Variants in NBPF15 observed in about 807,000 individuals in gnomAD.
NBPF15 encodes the protein NBPF member 15, also known as NBPF family member NBPF15.
NBPF15 carries 74 observed loss-of-function variants against 62.2 expected under a neutral mutation model. That is an observed-to-expected ratio of 1.19 (90% CI 0.99 to 1.44). The LOEUF is 1.44. Among genes scored for constraint, NBPF15 ranks in the 40% most tolerant of loss-of-function variants. The pLI is 0.00. For missense variants in NBPF15, 790 were observed against 550.0 expected (o/e 1.44, Z -4.36); for synonymous variants, 244 against 209.7 (o/e 1.16, Z -1.41).
At chr1:144,432,725 A>G (rs1329035473) in intron 13 of NBPF15, among the ~76,000 whole-genome samples, 1 of 152,086 alleles carries the variant, frequency 6.6e-6, no homozygotes, top group African/African-American at 2.4e-5. Flanking sequence ...CCACTACATA[A>G]TGGTAAAGGG....
At chr1:144,440,538 C>A (rs1682000526) in intron 6 of NBPF15, 4 of 297,688 alleles carry the variant, frequency 1.3e-5, no homozygotes, top group Admixed American at 4.6e-5. Context: ...CTTGTCTGTA[C>A]AACATCATCA....
At chr1:144,440,533 C>T in intron 6 of NBPF15, 1 of 333,920 alleles carries the variant, frequency 3.0e-6, no homozygotes, top group Non-Finnish European at 5.4e-6. Flanking sequence ...TATCTCTTGT[C>T]TGTACAACAT....
chr1:144,430,529 C>T (rs2101846812), intron 13 of NBPF15, among the ~76,000 whole-genome samples: 1 of 148,760 alleles, frequency 6.7e-6, no homozygotes, highest in Non-Finnish European at 1.5e-5. Flanking sequence ...ATAGCATCAA[C>T]ATCAACAAAA....
In NBPF15 at chr1:144,440,210, G is replaced by A; in HGVS notation, c.-105C>T. ...TCACCACAAAAACAAGGTTCGAGGT[G>A]CCTCAACTCAGAGCTGAAAGCACTG... On this transcript the variant is annotated 5_prime_UTR_variant, in exon 7 of 22. Transcript: ENST00000581897. 7 of 1,522,644 alleles carry A rather than the reference G, an allele frequency of 4.6e-6. No individual in the cohort carries two copies. Among genetic ancestry groups the A allele is most frequent in the South Asian group, 2.4e-5 (2 of 83,986 alleles). 94.3% of individuals were successfully genotyped at this position (1,522,644 alleles called of 1,614,324 possible).
rs1479345813 is a variant in NBPF15, at chr1:144,431,750, T to C, written c.825-1887A>G. Among the ~76,000 whole-genome samples, 2 of 132,530 alleles carry C rather than the reference T, an allele frequency of 1.5e-5. 1 individual carries two copies. The highest frequency in any genetic ancestry group is 5.9e-5 in the African/African-American group (2 of 34,100). The allele number at this position is 132,530 out of a possible 152,430, so 86.9% of individuals were successfully genotyped here. A position where few individuals can be genotyped will look rare whatever the true frequency, so the allele number is the denominator to read the frequency against. ...GAGTAAGAACATGCGGTATTTGGTT[T>C]TTTGTCCTTGCAATAGTTTGCTGAG... On this transcript the variant is annotated intron_variant, in intron 13 of 21. Transcript: ENST00000581897.
At chr1:144,452,561 A>T (rs1300778768) in intron 4 of NBPF15, among the ~76,000 whole-genome samples, 1 of 151,398 alleles carries the variant, frequency 6.6e-6, no homozygotes, top group Admixed American at 6.6e-5. Context: ...AAGTGACAAA[A>T]TATGCTGAAG....
Position 144,445,332 on chromosome 1 carries a change from AATAT to A in NBPF15, c.-191+3439_-191+3442del, listed in dbSNP as rs1246556657. Among the ~76,000 whole-genome samples the A allele has an allele frequency of 9.2e-4, 85 of 92,528 alleles. 1 individual carries two copies. Among genetic ancestry groups the A allele is most frequent in the African/African-American group, 2.3e-3 (58 of 25,184 alleles). The allele number at this position is 92,528 out of a possible 152,430, so 60.7% of individuals were successfully genotyped here. On this transcript the variant is annotated intron_variant, in intron 6 of 21. Transcript: ENST00000581897. ...GGAGATGATAATCTTCAAAACGGTGAATATATATATATATATATATATACACACA... is the reference window on the plus strand; with the variant it reads ...GGAGATGATAATCTTCAAAACGGTGAATATATATATATATATATACACACA...
At chr1:144,429,231 A>G (rs587668687) in intron 14 of NBPF15, among the ~76,000 whole-genome samples, 1 of 150,006 alleles carries the variant, frequency 6.7e-6, no homozygotes, top group African/African-American at 2.5e-5. Context: ...ATGGGAATAA[A>G]TTCAGTGAAA....
chr1:144,422,690 A>C lies in NBPF15; in HGVS notation c.*323T>G. 1 of 502,592 alleles carries C rather than the reference A, an allele frequency of 2.0e-6. No homozygotes were observed. Among genetic ancestry groups the C allele is most frequent in the East Asian group, 3.7e-5 (1 of 26,670 alleles). The allele number at this position is 502,592 out of a possible 1,614,324, so 31.1% of individuals were successfully genotyped here. On this transcript the variant is annotated 3_prime_UTR_variant, in exon 22 of 22. Coordinates refer to ENST00000581897, the MANE Select transcript of NBPF15 (RefSeq NM_001385408.1). ...TGACAATGACCTTGAGCAGGTATAGAAGCTCAGAGACATGCCTGCAAAATG... is the reference window on the plus strand; with the variant it reads ...TGACAATGACCTTGAGCAGGTATAGCAGCTCAGAGACATGCCTGCAAAATG...
chr1:144,438,914 T>C (rs1553541934), intron 8 of NBPF15, among the ~76,000 whole-genome samples: 1 of 151,932 alleles, frequency 6.6e-6, no homozygotes, highest in South Asian at 2.1e-4. Context: ...AACAAGACTC[T>C]GTGCCCCAGG....
In NBPF15 at chr1:144,440,134, A is replaced by G. The variant is rs1553542343; in HGVS notation, c.-36+7T>C. On this transcript the variant is annotated splice_region_variant and intron_variant, in intron 7 of 21. Transcript: ENST00000581897. ...AGGGATGTAAGTAACTGAAATTCTT[A>G]ACTTACTGTTGTCAAAAATGTGATC... 3 of 1,582,838 alleles carry G rather than the reference A, an allele frequency of 1.9e-6. No individual in the cohort carries two copies. Among genetic ancestry groups the G allele is most frequent in the Admixed American group, 1.7e-5 (1 of 59,740 alleles).
intron 6 of NBPF15, among the ~76,000 whole-genome samples, chr1:144,447,972 A>C (rs1386303285): frequency 6.6e-6 from 1 of 152,056 alleles, no homozygotes; most frequent in Non-Finnish European, 1.5e-5. Context: ...GGGCAGCATC[A>C]GCCACTGTCG....
chr1:144,440,649 T>TTTTC (rs1162750706), intron 6 of NBPF15: 2 of 133,994 alleles, frequency 1.5e-5, no homozygotes, highest in African/African-American at 6.3e-5. Flanking sequence ...TGTTTTGACT[T>TTTTC]TTTTTTTTTT....
chr1:144,431,328 G>T (rs1674080622), intron 13 of NBPF15, among the ~76,000 whole-genome samples: 1 of 150,058 alleles, frequency 6.7e-6, no homozygotes, highest in Non-Finnish European at 1.5e-5. Flanking sequence ...CAGAGAGAAA[G>T]GTCGGATTAC....
chr1:144,460,206 C>A (rs1177118508), intron 2 of NBPF15, among the ~76,000 whole-genome samples: 1 of 119,500 alleles, frequency 8.4e-6, no homozygotes, highest in Non-Finnish European at 1.7e-5. Context: ...CCACACACAG[C>A]TAACTTTTGT....
At chr1:144,447,208 G>C (rs1316150706) in intron 6 of NBPF15, among the ~76,000 whole-genome samples, 1 of 152,286 alleles carries the variant, frequency 6.6e-6, no homozygotes, top group Non-Finnish European at 1.5e-5. Context: ...CTGCAGAGGA[G>C]AGGTGCCACA....
chr1:144,423,511 T>A (rs1283275543), intron 21 of NBPF15, among the ~76,000 whole-genome samples: 1 of 151,846 alleles, frequency 6.6e-6, no homozygotes, highest in African/African-American at 2.4e-5. Flanking sequence ...ATTGCCCAGG[T>A]GACATACTGG....
rs1461586827 is a variant in NBPF15 at position 144,455,045 on chromosome 1, A to G, written c.-432+1492T>C. On this transcript the variant is annotated intron_variant, in intron 4 of 21. Transcript: ENST00000581897. ...AGAGCATGAGAGACAAAGAAAAAGA[A>G]AAGAAGAAAGGAAGAAAGGAAAGAA... Among the ~76,000 whole-genome samples, 5 of 151,150 alleles carry G rather than the reference A, an allele frequency of 3.3e-5. 1 individual carries two copies. The highest frequency in any genetic ancestry group is 7.4e-5 in the Non-Finnish European group (5 of 67,790).
At chr1:144,453,725 T>C (rs1452595029) in intron 4 of NBPF15, among the ~76,000 whole-genome samples, 1 of 132,684 alleles carries the variant, frequency 7.5e-6, no homozygotes, top group Non-Finnish European at 1.6e-5. Context: ...ATGAGAAAGA[T>C]GCTCAAAATC....
Sources: allele counts gnomAD v4.1 joint callset (sites outside exome capture counted in the v4.1 genomes callset), GRCh38; gene constraint gnomAD v4.1.1; transcripts MANE v1.5; gene names NCBI Gene and HGNC (gene_info 2026-07-23, HGNC 2026-07-21).